ASMTL: variants seen among roughly 807,000 people sequenced by gnomAD.
The protein encoded by ASMTL is acetylserotonin O-methyltransferase like.
A neutral mutation model predicts 60.3 loss-of-function variants in ASMTL; 57 were observed. The ratio of observed to expected loss-of-function variants is 0.95; its 90% confidence interval spans 0.76 to 1.18. The LOEUF (loss-of-function observed/expected upper bound fraction) is 1.18. ASMTL is among the 50% of genes most tolerant of loss of function. The pLI, the probability that ASMTL is intolerant of heterozygous loss-of-function variation, is 0.00. For missense variants in ASMTL, 981 were observed against 852.6 expected (o/e 1.15, Z -1.88); for synonymous variants, 419 against 373.0 (o/e 1.12, Z -1.42).
At chrX:1,453,020 C>T (rs2091434965), upstream of ASMTL, 1 of 546,210 alleles carries the variant, frequency 1.8e-6, no homozygotes, top group Admixed American at 3.8e-5. Flanking sequence ...AGACCGCGCC[C>T]AGGCCACGCC....
At chrX:1,442,821 C>A (rs1161937497) in intron 1 of ASMTL, among the ~76,000 whole-genome samples, 2 of 152,136 alleles carry the variant, frequency 1.3e-5, no homozygotes, top group East Asian at 1.9e-4. Context: ...ACAACACCGC[C>A]CCTGGGGAGG....
In ASMTL at chrX:1,403,147, T is replaced by G. The variant is rs2089656393; in HGVS notation, c.*122A>C. On this transcript the variant is annotated 3_prime_UTR_variant, in exon 13 of 13. Transcript: ENST00000381317. The stretch of plus-strand genomic sequence containing the variant: ...TATGGAGGAGGCAGAGACAGGCTTT[T>G]GCTTTCTTTATTCAGTCACGACTAC... 2 of 782,214 alleles carry G rather than the reference T, an allele frequency of 2.6e-6. No homozygotes were observed. 48.5% of individuals were successfully genotyped at this position (782,214 alleles called of 1,614,324 possible).
At chrX:1,416,691 CACAG>C (rs2090287016) in intron 11 of ASMTL, among the ~76,000 whole-genome samples, 1 of 151,696 alleles carries the variant, frequency 6.6e-6, no homozygotes, top group African/African-American at 2.4e-5. Context: ...CAGATGCAGA[CACAG>C]AGACACATTC....
At chrX:1,404,562 G>A (rs185680606) in intron 12 of ASMTL, among the ~76,000 whole-genome samples, 20 of 151,872 alleles carry the variant, frequency 1.3e-4, no homozygotes, top group East Asian at 1.2e-3. Context: ...ATAGATGGAT[G>A]CATGCATGAG....
At chrX:1,420,201 CCT>C (rs2090442158) in intron 9 of ASMTL, among the ~76,000 whole-genome samples, 1 of 151,786 alleles carries the variant, frequency 6.6e-6, no homozygotes, top group Admixed American at 6.6e-5. Flanking sequence ...CTCAAGTCTC[CCT>C]GTCTCTCCAT....
At chrX:1,414,743 A>G (rs1309685101) in intron 11 of ASMTL, among the ~76,000 whole-genome samples, 2 of 152,022 alleles carry the variant, frequency 1.3e-5, no homozygotes, top group African/African-American at 4.8e-5. Context: ...GTCTCTGCAG[A>G]TCTGGCAAAT....
At chrX:1,407,159 A>G (rs1233652630) in intron 12 of ASMTL, among the ~76,000 whole-genome samples, 4 of 148,780 alleles carry the variant, frequency 2.7e-5, no homozygotes, top group African/African-American at 5.0e-5. Flanking sequence ...GGGTAGGTAG[A>G]TAGATGAATG....
At chrX:1,431,170 T>C (rs1375116831) in intron 6 of ASMTL, among the ~76,000 whole-genome samples, 12 of 125,102 alleles carry the variant, frequency 9.6e-5, no homozygotes, top group Non-Finnish European at 1.6e-4. Context: ...TATATTTATA[T>C]AATTGTTTAT....
At chrX:1,429,455 G>A (rs2090708919) in intron 6 of ASMTL, among the ~76,000 whole-genome samples, 1 of 151,850 alleles carries the variant, frequency 6.6e-6, no homozygotes, top group South Asian at 2.1e-4. Flanking sequence ...GTCTTGGCTT[G>A]AGCTACTGTG....
chrX:1,451,634 A>T (rs1203578652), intron 1 of ASMTL, among the ~76,000 whole-genome samples: 2 of 134,340 alleles, frequency 1.5e-5, no homozygotes, highest in Non-Finnish European at 3.1e-5. Flanking sequence ...CCCCACCCCC[A>T]TCCCTAGGGG....
At chrX:1,431,023 C>CAT (rs1247989435) in intron 6 of ASMTL, among the ~76,000 whole-genome samples, 313 of 128,884 alleles carry the variant, frequency 2.4e-3, no homozygotes, top group African/African-American at 9.1e-3. Flanking sequence ...TATTAATATG[C>CAT]AGTTACATAT....
At chrX:1,438,325 A>AG (rs2091025081) in intron 3 of ASMTL, among the ~76,000 whole-genome samples, 3 of 152,026 alleles carry the variant, frequency 2.0e-5, no homozygotes, top group Non-Finnish European at 2.9e-5. Context: ...AGACACCCAG[A>AG]GGGGAGAAGG....
At chrX:1,439,631 G>C (rs1251342025) in intron 2 of ASMTL, among the ~76,000 whole-genome samples, 1 of 152,138 alleles carries the variant, frequency 6.6e-6, no homozygotes, top group Non-Finnish European at 1.5e-5. Context: ...CGCATCTCCT[G>C]AGGTCAGGAG....
chrX:1,428,571 CAGG>C (rs1214608042), intron 6 of ASMTL, among the ~76,000 whole-genome samples: 4 of 151,370 alleles, frequency 2.6e-5, no homozygotes, highest in African/African-American at 4.9e-5. Context: ...CACTTGAACC[CAGG>C]AGGAGGAGGT....
intron 1 of ASMTL, among the ~76,000 whole-genome samples, chrX:1,451,961 G>A (rs1156369570): frequency 1.4e-5 from 2 of 144,114 alleles, no homozygotes; most frequent in African/African-American, 2.6e-5. Flanking sequence ...TGCCTAGGGC[G>A]TCCTGGGTTA....
chrX:1,443,569 G>T (rs1278751629), intron 1 of ASMTL, among the ~76,000 whole-genome samples: 2 of 147,248 alleles, frequency 1.4e-5, no homozygotes, highest in African/African-American at 5.1e-5. Context: ...GACACACACC[G>T]CCATCATGGA....
rs767900547 is a variant in ASMTL, at chrX:1,441,346, G to A, written c.225+840C>T. ...AGTTGGAGTGCAGTGGGATGATCTCGGCTCACTGCAACTTCCGTCTCCCAG... is the reference window on the plus strand; with the variant it reads ...AGTTGGAGTGCAGTGGGATGATCTCAGCTCACTGCAACTTCCGTCTCCCAG... On this transcript the variant is annotated intron_variant, in intron 2 of 12. Coordinates refer to ENST00000381317, the MANE Select transcript of ASMTL (RefSeq NM_004192.4). 5.3e-5 allele frequency among the ~76,000 whole-genome samples: 8 copies of A among 151,986 alleles called. No homozygotes were observed. In the East Asian group the frequency reaches 1.2e-3, roughly 22 times the overall value.
rs768276087 is a variant in ASMTL, at chrX:1,412,297, G to A, written c.1645+435C>T. On this transcript the variant is annotated intron_variant, in intron 12 of 12. Transcript: ENST00000381317. Reference sequence around the variant, plus strand: ...GGCTGGAGTGCAGTGGCGCGATCTCGGCTCACTGCAGTCTCCAGCTCCCGG... The same window carrying A: ...GGCTGGAGTGCAGTGGCGCGATCTCAGCTCACTGCAGTCTCCAGCTCCCGG... 3.9e-4 allele frequency among the ~76,000 whole-genome samples: 60 copies of A among 152,106 alleles called. 1 individual carries two copies. The East Asian group carries it at 8.9e-3, about 23-fold the overall frequency.
chrX:1,442,619 C>T (rs2091132976), intron 1 of ASMTL, among the ~76,000 whole-genome samples: 1 of 152,070 alleles, frequency 6.6e-6, no homozygotes, highest in African/African-American at 2.4e-5. Context: ...ACAAAGAGGC[C>T]AGCAGGGAGG....
Sources: allele counts gnomAD v4.1 joint callset (sites outside exome capture counted in the v4.1 genomes callset), GRCh38; gene constraint gnomAD v4.1.1; transcripts MANE v1.5; gene names NCBI Gene and HGNC (gene_info 2026-07-23, HGNC 2026-07-21).